FANCC: variants seen among roughly 807,000 people sequenced by gnomAD.
The protein encoded by FANCC is Fanconi anemia group C protein.
FANCC carries 55 observed loss-of-function variants against 71.3 expected under a neutral mutation model. That is an observed-to-expected ratio of 0.77 (90% CI 0.62 to 0.97). The LOEUF (loss-of-function observed/expected upper bound fraction) is 0.97, where lower values mean the gene tolerates loss of function less well. Among genes scored for constraint, FANCC ranks in the 50% least tolerant of loss-of-function variants. FANCC has a pLI of 0.00. For missense variants in FANCC, 678 were observed against 670.9 expected (o/e 1.01, Z -0.12); for synonymous variants, 275 against 244.9 (o/e 1.12, Z -1.15).
chr9:95,247,661 T>G, intron 2 of FANCC, 145 bp from the exon 3 acceptor site: 1 of 649,938 alleles, frequency 1.5e-6, no homozygotes, highest in South Asian at 1.7e-5. Context: ...AGAGAAGATC[T>G]TTAGGTAAGT....
chr9:95,285,469 C>T (rs1428824663), intron 1 of FANCC, among the ~76,000 whole-genome samples: 2 of 152,112 alleles, frequency 1.3e-5, no homozygotes, highest in African/African-American at 4.8e-5. Context: ...ACACGGATTT[C>T]TTCTTTCAAC....
At chr9:95,281,828 C>T (rs1833399949) in intron 1 of FANCC, among the ~76,000 whole-genome samples, 3 of 151,822 alleles carry the variant, frequency 2.0e-5, no homozygotes, top group Non-Finnish European at 4.4e-5. Flanking sequence ...ATCAAAGTTG[C>T]TATCAGTGTA....
At chr9:95,123,508 C>T (rs1406818071) in intron 10 of FANCC, 3 of 481,248 alleles carry the variant, frequency 6.2e-6, no homozygotes, top group South Asian at 4.5e-5. Context: ...TTCCTCCAGT[C>T]CGTGCCTCCA....
At chr9:95,125,673 A>G (rs1029592002) in intron 9 of FANCC, among the ~76,000 whole-genome samples, 20 of 152,248 alleles carry the variant, frequency 1.3e-4, no homozygotes, top group African/African-American at 4.6e-4. Context: ...AAACAAACAA[A>G]AAAACTCTCA....
chr9:95,172,076 C>T lies in FANCC; in HGVS notation c.417G>A (p.Gly139=), dbSNP rs190925189. Residue 139 remains glycine, a synonymous_variant, in exon 5 of 15, where the codon GGG becomes GGA. Coordinates refer to ENST00000289081, the MANE Select transcript of FANCC (RefSeq NM_000136.3). ...CAGGATAGTAATCTATAGGTGCATA[C>T]CCAAGACCTTGAGTGAAAAGAGCAA... ...KEVALFTQGL[G]YAPIDYYPGL... The T allele has an allele frequency of 1.2e-6, 2 of 1,612,864 alleles. No homozygotes were observed. The highest frequency in any genetic ancestry group is 1.3e-5 in the African/African-American group (1 of 74,810).
At chr9:95,136,491 TA>T (rs562705124) in intron 7 of FANCC, among the ~76,000 whole-genome samples, 346 of 143,872 alleles carry the variant, frequency 2.4e-3, no homozygotes, top group Admixed American at 2.5e-3. Context: ...AAGATTCCTT[TA>T]AAAAAAAAAA....
chr9:95,166,440 A>G (rs1474331720), intron 6 of FANCC, among the ~76,000 whole-genome samples: 1 of 152,104 alleles, frequency 6.6e-6, no homozygotes, highest in African/African-American at 2.4e-5. Flanking sequence ...TAGAGTTATA[A>G]CAACCTAACG....
At chr9:95,301,958 T>C (rs1190893205) in intron 1 of FANCC, among the ~76,000 whole-genome samples, 1 of 148,368 alleles carries the variant, frequency 6.7e-6, no homozygotes, top group African/African-American at 2.5e-5. Context: ...GGCGGGCGCC[T>C]GTACTCCCAG....
chr9:95,173,954 C>A (rs1213315400), intron 4 of FANCC, among the ~76,000 whole-genome samples: 1 of 152,112 alleles, frequency 6.6e-6, no homozygotes, highest in African/African-American at 2.4e-5. Context: ...TTATATTATA[C>A]TACTAAATGA....
chr9:95,194,169 A>AT (rs1827275681), intron 4 of FANCC, among the ~76,000 whole-genome samples: 1 of 152,122 alleles, frequency 6.6e-6, no homozygotes, highest in African/African-American at 2.4e-5. Flanking sequence ...TAAATTTCGT[A>AT]TATTTTTGGA....
chr9:95,182,764 T>A (rs577962512), intron 4 of FANCC, among the ~76,000 whole-genome samples: 1 of 152,100 alleles, frequency 6.6e-6, no homozygotes, highest in East Asian at 1.9e-4. Context: ...ACTGCTGGGT[T>A]CTGGGGTACT....
At chr9:95,257,817 C>A (rs1278032429) in intron 1 of FANCC, among the ~76,000 whole-genome samples, 3 of 152,100 alleles carry the variant, frequency 2.0e-5, no homozygotes, top group African/African-American at 7.2e-5. Flanking sequence ...AGAGAAGAAT[C>A]AAATAGACAC....
intron 7 of FANCC, among the ~76,000 whole-genome samples, chr9:95,147,211 A>C (rs1242634037): frequency 6.6e-6 from 1 of 152,182 alleles, no homozygotes; most frequent in East Asian, 1.9e-4. Flanking sequence ...CATCCTACAG[A>C]TGTTTCATCA....
chr9:95,102,578 G>T (rs575079126), intron 14 of FANCC, among the ~76,000 whole-genome samples: 1 of 152,352 alleles, frequency 6.6e-6, no homozygotes, highest in South Asian at 2.1e-4. Flanking sequence ...GTGTGTGTCA[G>T]TTTATACAGA....
intron 4 of FANCC, among the ~76,000 whole-genome samples, chr9:95,199,968 C>T (rs573406523): frequency 1.3e-5 from 2 of 152,258 alleles, no homozygotes; most frequent in Admixed American, 1.3e-4. Flanking sequence ...AAGTTAGTAG[C>T]TATCTGCTCC....
chr9:95,311,061 G>A (rs1588452964), intron 1 of FANCC, among the ~76,000 whole-genome samples: 2 of 151,998 alleles, frequency 1.3e-5, no homozygotes, highest in African/African-American at 2.4e-5. Flanking sequence ...TGGCTAACAC[G>A]GTGAAACTCC....
At chr9:95,171,946 T>C (rs1825705411) in intron 5 of FANCC, 91 bp downstream of exon 5, 2 of 822,672 alleles carry the variant, frequency 2.4e-6, no homozygotes, top group African/African-American at 3.4e-5. Flanking sequence ...AAACATCTCT[T>C]CTGGAGGACT....
At chr9:95,267,744 T>C (rs1178253766) in intron 1 of FANCC, among the ~76,000 whole-genome samples, 1 of 152,116 alleles carries the variant, frequency 6.6e-6, no homozygotes, top group Non-Finnish European at 1.5e-5. Context: ...AAAATCAGTA[T>C]ATTTAGGGTG....
At chr9:95,107,679 C>T (rs994481739) in intron 13 of FANCC, among the ~76,000 whole-genome samples, 3 of 152,242 alleles carry the variant, frequency 2.0e-5, no homozygotes, top group South Asian at 2.1e-4. Flanking sequence ...TGTTCCCATA[C>T]GAATGTAGGC....
Sources: allele counts gnomAD v4.1 joint callset (sites outside exome capture counted in the v4.1 genomes callset), GRCh38; gene constraint gnomAD v4.1.1; transcripts MANE v1.5; gene names NCBI Gene and HGNC (gene_info 2026-07-23, HGNC 2026-07-21).